Variants in PRH1 observed in about 807,000 individuals in gnomAD.
The protein encoded by PRH1 is proline rich protein HaeIII subfamily 1.
In PRH1, 7 loss-of-function variants were observed where a neutral mutation model predicts 7.9. The ratio of observed to expected loss-of-function variants is 0.89; its 90% CI spans 0.50 to 1.67. The LOEUF is 1.67. PRH1 is among the 40% of genes most tolerant of loss of function. PRH1 has a pLI of 0.00. For missense variants in PRH1, 109 were observed against 223.6 expected (o/e 0.49, Z 3.27); for synonymous variants, 45 against 80.8 (o/e 0.56, Z 2.38).
At chr12:10,908,378 G>C (rs1332602474) in intron 2 of PRH1, 1 of 1,601,562 alleles carries the variant, frequency 6.2e-7, no homozygotes, top group African/African-American at 1.3e-5. Context: ...TTATGAAATT[G>C]TGAGTTTCTC....
At chr12:11,024,427 C>A (rs1469240562) in intron 1 of PRH1, among the ~76,000 whole-genome samples, 2 of 152,214 alleles carry the variant, frequency 1.3e-5, no homozygotes, top group African/African-American at 4.8e-5. Flanking sequence ...TAAGCAACAT[C>A]CCTAATTTAT....
chr12:10,950,650 G>C (rs1472921820), intron 2 of PRH1, among the ~76,000 whole-genome samples: 1 of 151,696 alleles, frequency 6.6e-6, no homozygotes, highest in Non-Finnish European at 1.5e-5. Context: ...TCATACCAGA[G>C]ATATTTTCTT....
chr12:11,005,674 T>G (rs1940792818), intron 1 of PRH1, among the ~76,000 whole-genome samples: 1 of 152,104 alleles, frequency 6.6e-6, no homozygotes, highest in East Asian at 1.9e-4. Flanking sequence ...GAGGAATTAT[T>G]GTGCTGTAAT....
chr12:10,978,791 C>T (rs1411180822), intron 1 of PRH1, among the ~76,000 whole-genome samples: 2 of 151,958 alleles, frequency 1.3e-5, no homozygotes, highest in Admixed American at 6.6e-5. Flanking sequence ...AAGACATACA[C>T]ACAGCCAACA....
At chr12:11,027,138 C>T (rs1941957546) in intron 1 of PRH1, among the ~76,000 whole-genome samples, 1 of 151,390 alleles carries the variant, frequency 6.6e-6, no homozygotes, top group African/African-American at 2.4e-5. Flanking sequence ...GATGTTGTGC[C>T]CCTGCAGTCC....
upstream of PRH1, among the ~76,000 whole-genome samples, chr12:11,050,184 C>A (rs1943088598): frequency 6.6e-6 from 1 of 152,082 alleles, no homozygotes; most frequent in South Asian, 2.1e-4. Flanking sequence ...GGTCTCACAG[C>A]CTTCAGAGCT....
intron 2 of PRH1, among the ~76,000 whole-genome samples, chr12:10,968,793 C>T (rs1938640776): frequency 6.6e-6 from 1 of 152,238 alleles, no homozygotes; most frequent in Non-Finnish European, 1.5e-5. Context: ...GGAACAAATT[C>T]TGTGCAGGCC....
intron 1 of PRH1, chr12:10,973,844 C>A (rs1938956236): frequency 1.9e-6 from 1 of 525,462 alleles, no homozygotes. Context: ...GAAGAGTCAA[C>A]TTATATATTT....
At chr12:11,168,205 GAAAGAAAGA>G (rs1947643456) in intron 1 of PRH1, among the ~76,000 whole-genome samples, 1 of 33,876 alleles carries the variant, frequency 3.0e-5, no homozygotes, top group Non-Finnish European at 8.8e-5. Flanking sequence ...AAAAACGAAA[GAAAGAAAGA>G]AGAAAGAAAG....
At chr12:11,008,657 A>T (rs1382843488) in intron 1 of PRH1, among the ~76,000 whole-genome samples, 3 of 152,122 alleles carry the variant, frequency 2.0e-5, no homozygotes, top group African/African-American at 4.8e-5. Flanking sequence ...GGCTTCCTGG[A>T]CTTAACATTA....
chr12:10,900,489 TG>T (rs1275438510), intron 2 of PRH1, among the ~76,000 whole-genome samples: 2 of 151,814 alleles, frequency 1.3e-5, no homozygotes, highest in African/African-American at 4.8e-5. Flanking sequence ...TAGAGCAGGG[TG>T]GGGACCTCCA....
At chr12:10,909,109 C>G in intron 2 of PRH1, 6 of 1,613,668 alleles carry the variant, frequency 3.7e-6, no homozygotes, top group Non-Finnish European at 5.1e-6. Flanking sequence ...AACCAACTTA[C>G]TAATATTTCC....
At chr12:11,136,528 A>C (rs1184198725) in intron 1 of PRH1, among the ~76,000 whole-genome samples, 1 of 152,130 alleles carries the variant, frequency 6.6e-6, no homozygotes, top group African/African-American at 2.4e-5. Flanking sequence ...AGACATAGAA[A>C]AGTTCAAAAA....
At chr12:10,976,722 G>T (rs1183884213) in intron 1 of PRH1, among the ~76,000 whole-genome samples, 1 of 151,662 alleles carries the variant, frequency 6.6e-6, no homozygotes, top group African/African-American at 2.4e-5. Flanking sequence ...TTTCAGAAAT[G>T]ACAAAGGGGA....
At chr12:11,133,406 A>T (rs1946433141) in intron 1 of PRH1, 1 of 1,613,986 alleles carries the variant, frequency 6.2e-7, no homozygotes, top group African/African-American at 1.3e-5. Context: ...GTTTCCCAAA[A>T]TCAGGATGAA....
chr12:10,997,857 T>C (rs372023700), intron 1 of PRH1: 29 of 1,600,694 alleles, frequency 1.8e-5, no homozygotes, highest in Non-Finnish European at 2.5e-5. Context: ...GAAAAAACAA[T>C]GTGTAGAAAA....
chr12:11,036,534 G>A (rs916834654), intron 1 of PRH1, among the ~76,000 whole-genome samples: 7 of 152,100 alleles, frequency 4.6e-5, no homozygotes, highest in African/African-American at 7.2e-5. Flanking sequence ...TGTGTTACTC[G>A]CTTTATCTTT....
chr12:10,988,988 A>T (rs553837406), intron 1 of PRH1, among the ~76,000 whole-genome samples: 5 of 152,174 alleles, frequency 3.3e-5, no homozygotes, highest in African/African-American at 1.2e-4. Context: ...TTGTATTTTT[A>T]GTACAGACAG....
chr12:11,067,326 T>C lies in PRH1; in HGVS notation n.124-20138A>G, dbSNP rs1427041008. On this transcript the variant is annotated intron_variant and non_coding_transcript_variant, in intron 1 of 4. Transcript: ENST00000541977. ...ACAATATGAATACAAATATTTCATT[T>C]AGAGACACATTTTGGGATAATAGGT... 2.6e-5 allele frequency among the ~76,000 whole-genome samples: 4 copies of C among 152,216 alleles called. No homozygotes were observed. In the East Asian group the frequency reaches 7.7e-4, roughly 29 times the overall value.
Sources: allele counts gnomAD v4.1 joint callset (sites outside exome capture counted in the v4.1 genomes callset), GRCh38; gene constraint gnomAD v4.1.1; transcripts MANE v1.5; gene names NCBI Gene and HGNC (gene_info 2026-07-23, HGNC 2026-07-21).